The following TEAD4 variants were observed in gnomAD, a reference collection of about 807,000 sequenced individuals.
TEAD4 encodes the protein transcriptional enhancer factor TEF-3.
Under a neutral mutation model 52.4 loss-of-function variants are expected in TEAD4, and 36 were observed. That is an observed-to-expected ratio of 0.69 (90% confidence interval 0.53 to 0.91). The LOEUF (loss-of-function observed/expected upper bound fraction) is 0.91, where lower values mean the gene tolerates loss of function less well. Ranked by LOEUF, TEAD4 falls within the 40% of genes least tolerant of loss-of-function variation. The pLI is 0.00. For missense variants in TEAD4, 508 were observed against 583.9 expected, an observed-to-expected ratio of 0.87 and a Z score of 1.34; for synonymous variants, 220 against 231.0, an observed-to-expected ratio of 0.95 and a Z score of 0.43.
Position 3,012,187 on chromosome 12 carries a change from G to A in TEAD4, c.309G>A (p.Gln103=). 1 of 1,614,128 alleles carries A rather than the reference G, an allele frequency of 6.2e-7. No individual in the cohort carries two copies. The highest frequency in any genetic ancestry group is 8.5e-7 in the Non-Finnish European group (1 of 1,180,004). ...TGCCACAGGTCTCCAGCCACATCCA[G>A]GTGCTGGCTCGTCGCAAAGCTCGCG... The change falls in exon 5 of 13, where the codon CAG becomes CAA. Residue 103 remains glutamine, a synonymous_variant. Transcript: ENST00000359864.
chr12:2,977,335 C>T (rs1037574602), intron 2 of TEAD4, among the ~76,000 whole-genome samples: 3 of 152,166 alleles, frequency 2.0e-5, no homozygotes, highest in African/African-American at 7.2e-5. Flanking sequence ...TCTCCCTTTC[C>T]CCCTTCCCTT....
chr12:3,040,610 C>A lies in TEAD4; in HGVS notation c.*132C>A. The A allele has an allele frequency of 2.6e-6, 2 of 768,988 alleles. No individual in the cohort carries two copies. The highest frequency in any genetic ancestry group is 4.3e-6 in the Non-Finnish European group (2 of 463,584). The allele number at this position is 768,988 out of a possible 1,614,324, so 47.6% of individuals were successfully genotyped here. ...GAGCAGTTGTGACTCTACCCAGGAA[C>A]AAACTGTGCCTGAACCTGAGGTGCC... On this transcript the variant is annotated 3_prime_UTR_variant, in exon 13 of 13. Coordinates refer to ENST00000359864, the MANE Select transcript of TEAD4 (RefSeq NM_003213.4).
chr12:3,016,415 C>T (rs1016718420), intron 5 of TEAD4, among the ~76,000 whole-genome samples: 1 of 152,116 alleles, frequency 6.6e-6, no homozygotes, highest in Non-Finnish European at 1.5e-5. Context: ...ATAATACTTG[C>T]TGTTCCAGCC....
At chr12:3,011,790 C>G (rs148109309) in intron 4 of TEAD4, among the ~76,000 whole-genome samples, 2,735 of 152,238 alleles carry the variant, frequency 0.018, 78 homozygotes, top group African/African-American at 0.061. Flanking sequence ...CTCAGCCTTC[C>G]GAGTAGCTGG....
intron 2 of TEAD4, among the ~76,000 whole-genome samples, chr12:2,987,183 G>A (rs954111231): frequency 6.6e-6 from 1 of 152,106 alleles, no homozygotes; most frequent in African/African-American, 2.4e-5. Context: ...ACAGATTTGG[G>A]GATTAAACCA....
At chr12:3,018,416 C>A in intron 6 of TEAD4, 129 bp from the exon 7 acceptor site, 1 of 1,020,124 alleles carries the variant, frequency 9.8e-7, no homozygotes, top group Non-Finnish European at 1.5e-6. Flanking sequence ...CATTCACTAG[C>A]TAGGCGAGGC....
chr12:3,008,271 G>A (rs560215933), intron 3 of TEAD4, among the ~76,000 whole-genome samples: 1 of 152,310 alleles, frequency 6.6e-6, no homozygotes, highest in South Asian at 2.1e-4. Flanking sequence ...TGCAGGTGGT[G>A]TGGGACTCTG....
intron 10 of TEAD4, among the ~76,000 whole-genome samples, chr12:3,036,637 G>T (rs532486572): frequency 3.2e-4 from 49 of 152,214 alleles, no homozygotes; most frequent in Admixed American, 7.2e-4. Context: ...TCAGACCGGG[G>T]TGTGGGTGGG....
chr12:2,970,020 G>T (rs1216937787), intron 2 of TEAD4, among the ~76,000 whole-genome samples: 1 of 152,094 alleles, frequency 6.6e-6, no homozygotes, highest in African/African-American at 2.4e-5. Flanking sequence ...GAGCCCAGGG[G>T]TTTGAGACCA....
intron 10 of TEAD4, among the ~76,000 whole-genome samples, chr12:3,024,220 A>G (rs577489049): frequency 1.4e-4 from 21 of 151,646 alleles, no homozygotes; most frequent in South Asian, 4.2e-4. Flanking sequence ...GACTACAGGC[A>G]CCCGCCACCA....
intron 2 of TEAD4, among the ~76,000 whole-genome samples, chr12:2,964,774 A>G (rs1049407080): frequency 3.9e-5 from 6 of 151,952 alleles, no homozygotes; most frequent in African/African-American, 1.5e-4. Context: ...GCGCCTGGCC[A>G]TGGGGGATTT....
At chr12:3,034,019 GGGCT>G (rs1230108787) in intron 10 of TEAD4, among the ~76,000 whole-genome samples, 3 of 151,412 alleles carry the variant, frequency 2.0e-5, no homozygotes, top group Non-Finnish European at 4.4e-5. Context: ...ATGAGTTCTG[GGGCT>G]GATTGTGGGA....
In TEAD4 at chr12:2,959,460, C is replaced by T. The variant is rs1411184133; in HGVS notation, c.-144C>T. ...CCAGGGGGCGGGAGGGCCGCAGCTC[C>T]GGCGCCGCCGCGTCCCGCCAGGTGA... On this transcript the variant is annotated 5_prime_UTR_variant, in exon 1 of 13. Transcript: ENST00000359864. This position sits in a 1 kb window ranked among gnomAD's most constrained non-coding sequence, Gnocchi z 5.1. 1 of 147,040 alleles carries T rather than the reference C, an allele frequency of 6.8e-6. No individual in the cohort carries two copies. Among genetic ancestry groups the T allele is most frequent in the East Asian group, 2.0e-4 (1 of 5,102 alleles). 9.1% of individuals were successfully genotyped at this position (147,040 alleles called of 1,614,324 possible).
At chr12:3,023,654 G>A (rs376908792) in intron 10 of TEAD4, among the ~76,000 whole-genome samples, 2 of 151,672 alleles carry the variant, frequency 1.3e-5, no homozygotes, top group African/African-American at 4.8e-5. Flanking sequence ...AGACAGGCGT[G>A]GTGGCACACG....
chr12:2,977,995 G>C (rs2098231138), intron 2 of TEAD4, among the ~76,000 whole-genome samples: 1 of 152,276 alleles, frequency 6.6e-6, no homozygotes, highest in African/African-American at 2.4e-5. Context: ...TTCTCTGCTG[G>C]GTTCTTTCCT....
At chr12:3,011,442 G>C (rs2098260272) in intron 4 of TEAD4, among the ~76,000 whole-genome samples, 1 of 152,076 alleles carries the variant, frequency 6.6e-6, no homozygotes, top group Admixed American at 6.5e-5. Context: ...ACATTGGCCA[G>C]GCTGGTCTCG....
chr12:3,010,996 C>T lies in TEAD4; in HGVS notation c.227-8C>T. 1 of 1,614,066 alleles carries T rather than the reference C, an allele frequency of 6.2e-7. No homozygotes were observed. Among genetic ancestry groups the T allele is most frequent in the Non-Finnish European group, 8.5e-7 (1 of 1,179,952 alleles). ...CTCTCCACTGAGAGGCTGCTGGTGT[C>T]TCTGCAGGTCGGAACGAGCTGATTG... is the stretch of plus-strand genomic sequence containing the variant. On this transcript the variant is annotated splice_region_variant and splice_polypyrimidine_tract_variant and intron_variant, in intron 3 of 12. Transcript: ENST00000359864.
intron 9 of TEAD4, among the ~76,000 whole-genome samples, chr12:3,020,975 C>T (rs1591592292): frequency 2.6e-5 from 4 of 152,074 alleles, no homozygotes; most frequent in South Asian, 2.1e-4. Flanking sequence ...CCCTGGCTTC[C>T]TTTCCGTGTC....
chr12:3,028,337 G>A (rs1811706885), intron 10 of TEAD4, among the ~76,000 whole-genome samples: 1 of 152,146 alleles, frequency 6.6e-6, no homozygotes, highest in Admixed American at 6.5e-5. Flanking sequence ...GAATTACTGG[G>A]TCATATGGCA....
Sources: allele counts gnomAD v4.1 joint callset (sites outside exome capture counted in the v4.1 genomes callset), GRCh38; gene constraint gnomAD v4.1.1; non-coding constraint Gnocchi (gnomAD v3.1); transcripts MANE v1.5; gene names NCBI Gene and HGNC (gene_info 2026-07-23, HGNC 2026-07-21).